MYO16: variants seen among roughly 807,000 people sequenced by gnomAD.
MYO16 encodes myosin XVI, also known as unconventional myosin-XVI.
In MYO16, 94 loss-of-function variants were observed where a neutral mutation model predicts 205.3. That is an observed-to-expected ratio of 0.46 (90% CI 0.39 to 0.54). The LOEUF (loss-of-function observed/expected upper bound fraction) is 0.54. MYO16 is among the 20% of genes least tolerant of loss of function. The probability of loss-of-function intolerance (pLI) is 0.00; values close to 1 mark genes in which losing one functional copy is unlikely to be tolerated. For synonymous variants in MYO16, 988 were observed against 954.0 expected (o/e 1.04, Z -0.66); for missense variants, 2,315 against 2,387.5 (o/e 0.97, Z 0.63).
the MYO16 span, among the ~76,000 whole-genome samples, chr13:108,522,531 C>T: frequency 6.6e-6 from 1 of 152,146 alleles, no homozygotes; most frequent in Non-Finnish European, 1.5e-5. Flanking sequence ...TTTACTGTCT[C>T]ATAATAAATT....
intron 2 of MYO16, among the ~76,000 whole-genome samples, chr13:108,696,890 T>A (rs932191918): frequency 2.0e-5 from 3 of 151,958 alleles, no homozygotes; most frequent in Non-Finnish European, 2.9e-5. Context: ...TGCTCAAAGG[T>A]TTCAATTGCT....
At chr13:109,200,259 A>G (rs958363651) in intron 34 of MYO16, among the ~76,000 whole-genome samples, 5 of 152,210 alleles carry the variant, frequency 3.3e-5, no homozygotes, top group African/African-American at 7.2e-5. Flanking sequence ...ATCAAGATCA[A>G]TAAAATAAGA....
intron 33 of MYO16, among the ~76,000 whole-genome samples, chr13:109,177,679 G>A (rs1430792976): frequency 2.0e-5 from 3 of 151,976 alleles, no homozygotes; most frequent in African/African-American, 4.8e-5. Context: ...CACCGTGCCC[G>A]GGTAATTTTG....
At chr13:108,599,110 C>T (rs1162893968) in intron 1 of MYO16, among the ~76,000 whole-genome samples, 11 of 149,604 alleles carry the variant, frequency 7.4e-5, no homozygotes, top group African/African-American at 1.2e-4. Context: ...TTTGTCCTTG[C>T]GATAGTTTAC....
At position 108,851,769 on chromosome 13, in the gene MYO16, G is replaced by A. The variant is rs113543363; in HGVS notation, c.1249-3674G>A. Among the ~76,000 whole-genome samples, 35 of 152,060 alleles carry A rather than the reference G, an allele frequency of 2.3e-4. 1 individual carries two copies. The highest frequency in any genetic ancestry group is 8.2e-4 in the African/African-American group (34 of 41,480). ...CTTGCTAGCTGGTCTCACCACTCCC[G>A]CCTTTTCTCTGCTGTAGCTGCCAGG... is the stretch of plus-strand genomic sequence containing the variant. On this transcript the variant is annotated intron_variant, in intron 10 of 34. Coordinates refer to ENST00000457511, the MANE Select transcript of MYO16 (RefSeq NM_001198950.3).
chr13:108,946,640 G>T (rs1882952904), intron 16 of MYO16, among the ~76,000 whole-genome samples: 1 of 152,164 alleles, frequency 6.6e-6, no homozygotes, highest in African/African-American at 2.4e-5. Flanking sequence ...ATATTTAAAT[G>T]TATGAATAAG....
At chr13:109,031,946 C>T (rs980869061) in intron 23 of MYO16, among the ~76,000 whole-genome samples, 1 of 152,126 alleles carries the variant, frequency 6.6e-6, no homozygotes, top group African/African-American at 2.4e-5. Context: ...AGACATTGTA[C>T]GGTGGCCTAG....
intron 4 of MYO16, among the ~76,000 whole-genome samples, chr13:108,739,649 A>C (rs942647565): frequency 1.2e-4 from 18 of 152,016 alleles, no homozygotes; most frequent in African/African-American, 4.4e-4. Flanking sequence ...TCTCTGTGGC[A>C]TTCTCTGTAT....
chr13:108,726,344 A>G (rs1884335036), intron 3 of MYO16, among the ~76,000 whole-genome samples: 1 of 152,056 alleles, frequency 6.6e-6, no homozygotes, highest in Admixed American at 6.6e-5. Context: ...GCGGATCACG[A>G]TGTCAAGAGA....
At chr13:108,743,790 C>T (rs967674174) in intron 4 of MYO16, among the ~76,000 whole-genome samples, 3 of 152,174 alleles carry the variant, frequency 2.0e-5, no homozygotes, top group East Asian at 1.9e-4. Context: ...CTAAACATTT[C>T]GTACACATAT....
At chr13:108,991,178 A>G (rs1884816002) in intron 20 of MYO16, among the ~76,000 whole-genome samples, 1 of 152,158 alleles carries the variant, frequency 6.6e-6, no homozygotes. Context: ...AAGCAAGTTC[A>G]TGCCGACGTC....
In MYO16 at chr13:108,888,371, G is replaced by C; in HGVS notation, c.1554-1G>C. The C allele has an allele frequency of 6.3e-7, 1 of 1,584,388 alleles. No individual in the cohort carries two copies. Among genetic ancestry groups the C allele is most frequent in the Non-Finnish European group, 8.6e-7 (1 of 1,166,698 alleles). ...ATGTTTTTCCTCTCTGTTTTCCTTAGTGGAGAAAGGGGATCAGGAAAGTCT... is the reference window on the plus strand; with the variant it reads ...ATGTTTTTCCTCTCTGTTTTCCTTACTGGAGAAAGGGGATCAGGAAAGTCT... On this transcript the variant is annotated splice_acceptor_variant, in intron 13 of 34. Coordinates refer to ENST00000457511, the MANE Select transcript of MYO16 (RefSeq NM_001198950.3). LOFTEE classifies it high-confidence loss of function.
At chr13:108,853,958 GT>G (rs1235256569) in intron 10 of MYO16, among the ~76,000 whole-genome samples, 2 of 109,902 alleles carry the variant, frequency 1.8e-5, no homozygotes, top group African/African-American at 8.4e-5. Flanking sequence ...CTATTATTGT[GT>G]GTGTGTGTGT....
At chr13:108,524,370 T>G in the MYO16 span, among the ~76,000 whole-genome samples, 2 of 151,990 alleles carry the variant, frequency 1.3e-5, no homozygotes, top group Non-Finnish European at 2.9e-5. Context: ...CCTGACTCTC[T>G]CCCTCTCTCT....
Position 109,141,165 on chromosome 13 carries a change from C to CAGCTCCTTCCCCA in MYO16, c.4956_4968dup (p.Ile1657LeufsTer72). On this transcript the variant is annotated frameshift_variant, in exon 32 of 35. Coordinates refer to ENST00000457511, the MANE Select transcript of MYO16 (RefSeq NM_001198950.3). LOFTEE classifies it high-confidence loss of function. This position sits in a 1 kb window ranked among gnomAD's most constrained non-coding sequence, Gnocchi z 4.1. ...ACTCTGCCCCCGTGGCCGGGCCCTG[C>CAGCTCCTTCCCCA]AGCTCCTTCCCCAAGATCCCATATT... The CAGCTCCTTCCCCA allele has an allele frequency of 1.2e-6, 2 of 1,608,960 alleles. No individual in the cohort carries two copies. Among genetic ancestry groups the CAGCTCCTTCCCCA allele is most frequent in the Non-Finnish European group, 8.5e-7 (1 of 1,177,666 alleles).
At chr13:108,604,819 G>A (rs1000477951) in intron 1 of MYO16, among the ~76,000 whole-genome samples, 1 of 152,142 alleles carries the variant, frequency 6.6e-6, no homozygotes, top group African/African-American at 2.4e-5. Flanking sequence ...TTAGAGAGCA[G>A]GTACAATGTC....
In MYO16 at chr13:109,173,170, G is replaced by A. The variant is rs1043530312; in HGVS notation, c.5324-6372G>A. ...ATTAGTCAATCAAAACACTTACCAA[G>A]TGCACCTGTCACATGTAGGCATTGT... On this transcript the variant is annotated intron_variant, in intron 33 of 34. Transcript: ENST00000457511. 2.0e-5 allele frequency among the ~76,000 whole-genome samples: 3 copies of A among 152,198 alleles called. No individual in the cohort carries two copies. The East Asian group carries it at 5.8e-4, about 29-fold the overall frequency.
At chr13:108,651,581 A>C (rs1381868928) in intron 1 of MYO16, among the ~76,000 whole-genome samples, 1 of 152,190 alleles carries the variant, frequency 6.6e-6, no homozygotes, top group Non-Finnish European at 1.5e-5. Flanking sequence ...AAGAGAAAAT[A>C]CTTACTACAT....
intron 2 of MYO16, among the ~76,000 whole-genome samples, chr13:108,687,404 A>G (rs1882721522): frequency 6.6e-6 from 1 of 152,102 alleles, no homozygotes; most frequent in Admixed American, 6.5e-5. Context: ...TTCACCTTAA[A>G]CCAGACCAGG....
Sources: gnomAD v4.1 joint callset for allele counts (sites outside exome capture counted in the v4.1 genomes callset) on GRCh38, gnomAD v4.1.1 for gene constraint, Gnocchi (gnomAD v3.1) non-coding constraint, MANE v1.5 for transcripts, NCBI Gene and HGNC (gene_info 2026-07-23, HGNC 2026-07-21) for gene names.